ALDH1A3: variants seen among roughly 807,000 people sequenced by gnomAD.
The protein encoded by ALDH1A3 is aldehyde dehydrogenase 1 family member A3.
In ALDH1A3, 28 loss-of-function variants were observed where a neutral mutation model predicts 57.5. That is an observed-to-expected ratio of 0.49 (90% CI 0.36 to 0.67). The LOEUF (loss-of-function observed/expected upper bound fraction) is 0.67. ALDH1A3 is among the 30% of genes least tolerant of loss of function. ALDH1A3 has a pLI of 0.00. For synonymous variants in ALDH1A3, 281 were observed against 264.8 expected, an observed-to-expected ratio of 1.06 and a Z score of -0.59; for missense variants, 507 against 669.4, an observed-to-expected ratio of 0.76 and a Z score of 2.68.
Position 100,885,257 on chromosome 15 carries a change from T to C in ALDH1A3, c.100-10T>C, listed in dbSNP as rs746722474. 2 of 1,593,062 alleles carry C rather than the reference T, an allele frequency of 1.3e-6. No homozygotes were observed. Among genetic ancestry groups the C allele is most frequent in the East Asian group, 4.5e-5 (2 of 44,788 alleles). ...TAAACCTAATTGGTTACACTTCCTTTCCTGGTTAGATATTTATCAACAATG... is the reference window on the plus strand; with the variant it reads ...TAAACCTAATTGGTTACACTTCCTTCCCTGGTTAGATATTTATCAACAATG... On this transcript the variant is annotated splice_polypyrimidine_tract_variant and intron_variant, in intron 1 of 12. Coordinates refer to ENST00000329841, the MANE Select transcript of ALDH1A3 (RefSeq NM_000693.4).
chr15:100,907,155 A>G lies in ALDH1A3; in HGVS notation c.1268A>G (p.Lys423Arg), dbSNP rs749007363. ...FGPVQPILKF[K>R]SIEEVIKRAN... ...CCAGTGCAACCAATACTGAAGTTCA[A>G]AAGTATCGAAGAAGTGATAAAAAGA... Residue 423 changes from lysine (K) to arginine (R), a missense_variant, in exon 11 of 13, where the codon AAA becomes AGA. Physicochemically the swap from Lys to Arg is conservative, Grantham distance 26. Coordinates refer to ENST00000329841, the MANE Select transcript of ALDH1A3 (RefSeq NM_000693.4). 4.3e-5 allele frequency: 69 copies of G among 1,614,060 alleles called. No individual in the cohort carries two copies. Among genetic ancestry groups the G allele is most frequent in the Non-Finnish European group, 5.2e-5 (61 of 1,180,026 alleles).
chr15:100,896,357 G>A (rs1338333521), intron 7 of ALDH1A3, among the ~76,000 whole-genome samples: 1 of 152,022 alleles, frequency 6.6e-6, no homozygotes, highest in African/African-American at 2.4e-5. Flanking sequence ...TAGTCGTGAT[G>A]CATGCAGTGC....
Position 100,892,991 on chromosome 15 carries a change from T to C in ALDH1A3, c.522T>C (p.Cys174=). Residue 174 remains cysteine (C), a synonymous_variant, in exon 5 of 13, where the codon TGT becomes TGC. Coordinates refer to ENST00000329841, the MANE Select transcript of ALDH1A3 (RefSeq NM_000693.4). ...CCAGGCATGAGCCCATTGGTGTCTG[T>C]GGGGCCATCACTCCAGTAAGTATGG... is the stretch of plus-strand genomic sequence containing the variant. ...CFTRHEPIGV[C]GAITPWNFPL... 1 of 1,614,100 alleles carries C rather than the reference T, an allele frequency of 6.2e-7. No individual in the cohort carries two copies. The highest frequency in any genetic ancestry group is 8.5e-7 in the Non-Finnish European group (1 of 1,179,978).
chr15:100,881,377 G>C (rs1285960385), intron 1 of ALDH1A3: 1 of 152,208 alleles, frequency 6.6e-6, no homozygotes, highest in African/African-American at 2.4e-5. Context: ...AATTTTGTAA[G>C]ACCCTAACCC....
rs1292692354 is a variant in ALDH1A3, at chr15:100,880,882, T to G, written c.99+876T>G. On this transcript the variant is annotated intron_variant, in intron 1 of 12. Coordinates refer to ENST00000329841, the MANE Select transcript of ALDH1A3 (RefSeq NM_000693.4). The stretch of plus-strand genomic sequence containing the variant: ...ACCCGGGTCCGGGAGCGCGACCCGA[T>G]GGAGGACACCCCCAGGCTGTCTGGC... The G allele has an allele frequency of 7.2e-5, 11 of 152,450 alleles. No individual in the cohort carries two copies. In the East Asian group the frequency reaches 2.1e-3, roughly 29 times the overall value. The allele number at this position is 152,450 out of a possible 1,614,324, so 9.4% of individuals were successfully genotyped here. A position where few individuals can be genotyped will look rare whatever the true frequency, so the allele number is the denominator to read the frequency against.
intron 9 of ALDH1A3, among the ~76,000 whole-genome samples, chr15:100,903,994 T>C (rs2041797168): frequency 6.6e-6 from 1 of 152,264 alleles, no homozygotes; most frequent in South Asian, 2.1e-4. Flanking sequence ...TTTTTTTACA[T>C]ACTCAAAATT....
At chr15:100,898,529 G>GC (rs2041734148) in intron 8 of ALDH1A3, among the ~76,000 whole-genome samples, 1 of 152,212 alleles carries the variant, frequency 6.6e-6, no homozygotes, top group African/African-American at 2.4e-5. Flanking sequence ...CTCCTCCAGA[G>GC]CCCCCTGGGA....
chr15:100,907,054 TG>T, intron 10 of ALDH1A3, 66 bp from the exon 11 acceptor site: 1 of 1,546,196 alleles, frequency 6.5e-7, no homozygotes, highest in Non-Finnish European at 8.8e-7. Context: ...GAGAAGGAAA[TG>T]CTTGTTCACA....
intron 9 of ALDH1A3, among the ~76,000 whole-genome samples, chr15:100,904,318 G>A (rs1240731363): frequency 6.6e-6 from 1 of 152,092 alleles, no homozygotes; most frequent in Non-Finnish European, 1.5e-5. Context: ...AACTGGGTTT[G>A]GAGTTTGGCC....
At chr15:100,886,855 G>A (rs1035327649) in intron 2 of ALDH1A3, among the ~76,000 whole-genome samples, 3 of 152,296 alleles carry the variant, frequency 2.0e-5, no homozygotes, top group South Asian at 2.1e-4. Flanking sequence ...ACTGTTCCAC[G>A]ATGGTCAGTT....
At chr15:100,895,476 A>G (rs1253279196) in intron 6 of ALDH1A3, 2 of 158,832 alleles carry the variant, frequency 1.3e-5, no homozygotes, top group African/African-American at 4.8e-5. Context: ...AGAAAAAACA[A>G]AACTGAAGCT....
At chr15:100,890,409 T>A (rs1225812254) in intron 3 of ALDH1A3, among the ~76,000 whole-genome samples, 1 of 152,054 alleles carries the variant, frequency 6.6e-6, no homozygotes, top group Non-Finnish European at 1.5e-5. Flanking sequence ...ACCTGCATAA[T>A]TTTTTTTAAT....
At chr15:100,911,898 C>G (rs1015855016) in intron 12 of ALDH1A3, among the ~76,000 whole-genome samples, 1 of 152,204 alleles carries the variant, frequency 6.6e-6, no homozygotes, top group Non-Finnish European at 1.5e-5. Context: ...CTTTTCTTTA[C>G]TAACTTGATA....
At position 100,885,496 on chromosome 15, in the gene ALDH1A3, C is replaced by T. The variant is rs956852657; in HGVS notation, c.204+125C>T. ...CTGGGGGCAGGGCCTGGGCTAGCTG[C>T]GTGAATTGGCATGTGGTTCTCAGAC... On this transcript the variant is annotated intron_variant, in intron 2 of 12. Coordinates refer to ENST00000329841, the MANE Select transcript of ALDH1A3 (RefSeq NM_000693.4). 89 of 660,186 alleles carry T rather than the reference C, an allele frequency of 1.3e-4. 1 individual carries two copies. Among genetic ancestry groups the T allele is most frequent in the South Asian group, 1.2e-3 (65 of 55,600 alleles). The allele number at this position is 660,186 out of a possible 1,614,324, so 40.9% of individuals were successfully genotyped here.
chr15:100,890,563 C>T lies in ALDH1A3; in HGVS notation c.346-1947C>T, dbSNP rs537663825. On this transcript the variant is annotated intron_variant, in intron 3 of 12. Transcript: ENST00000329841. ...CAAATAGCAATGCTGGCTGAATGTT[C>T]GCCATGTACCTGGCTTGTTGACCTG... is the stretch of plus-strand genomic sequence containing the variant. 7.2e-5 allele frequency among the ~76,000 whole-genome samples: 11 copies of T among 152,308 alleles called. No homozygotes were observed. In the South Asian group the frequency reaches 1.7e-3, roughly 23 times the overall value.
chr15:100,901,130 A>C (rs907394448), intron 9 of ALDH1A3, among the ~76,000 whole-genome samples: 11 of 152,208 alleles, frequency 7.2e-5, no homozygotes, highest in Admixed American at 6.5e-4. Context: ...CCTCAAGCCC[A>C]CGTGGGTTAC....
chr15:100,902,776 T>A (rs1188477854), intron 9 of ALDH1A3, among the ~76,000 whole-genome samples: 4 of 152,250 alleles, frequency 2.6e-5, no homozygotes, highest in African/African-American at 4.8e-5. Context: ...ATTATTAGAT[T>A]TAAACAATGT....
At chr15:100,892,181 A>G (rs2141554498) in intron 3 of ALDH1A3, 1 of 301,888 alleles carries the variant, frequency 3.3e-6, no homozygotes. Flanking sequence ...TACAGATGGA[A>G]GATCAGATGC....
At chr15:100,908,603 T>G in intron 12 of ALDH1A3, 121 bp downstream of exon 12, 2 of 874,648 alleles carry the variant, frequency 2.3e-6, no homozygotes, top group South Asian at 3.1e-5. Context: ...CCGCTCTGTC[T>G]GGGCCAGCTG....
Sources: allele counts gnomAD v4.1 joint callset (sites outside exome capture counted in the v4.1 genomes callset), GRCh38; gene constraint gnomAD v4.1.1; transcripts MANE v1.5; gene names NCBI Gene and HGNC (gene_info 2026-07-23, HGNC 2026-07-21).